Variants in FNIP2 observed in about 807,000 individuals in gnomAD.
FNIP2 encodes folliculin interacting protein 2.
In FNIP2, 32 loss-of-function variants were observed where a neutral mutation model predicts 108.7. The ratio of observed to expected loss-of-function variants is 0.29; its 90% confidence interval spans 0.22 to 0.40. FNIP2 has a LOEUF of 0.40. Ranked by LOEUF, FNIP2 falls within the 10% of genes least tolerant of loss-of-function variation. The pLI is 1.00. For missense variants in FNIP2, 1,202 were observed against 1,381.6 expected (o/e 0.87, Z 2.06); for synonymous variants, 480 against 496.7 (o/e 0.97, Z 0.45).
chr4:158,778,762 G>T (rs1456324195), intron 1 of FNIP2, among the ~76,000 whole-genome samples: 3 of 152,224 alleles, frequency 2.0e-5, no homozygotes, highest in African/African-American at 7.2e-5. Context: ...AGTCTTGAAA[G>T]GTATCGCCTG....
chr4:158,806,117 G>C, intron 1 of FNIP2: 1 of 1,194,422 alleles, frequency 8.4e-7, no homozygotes. Flanking sequence ...ACTGTATAGG[G>C]AGTGAAATGA....
At chr4:158,899,112 G>T (rs548832345) in intron 16 of FNIP2, among the ~76,000 whole-genome samples, 1 of 152,164 alleles carries the variant, frequency 6.6e-6, no homozygotes, top group Non-Finnish European at 1.5e-5. Context: ...TAATCATCTG[G>T]TTTTTGTCAC....
intron 1 of FNIP2, among the ~76,000 whole-genome samples, chr4:158,799,784 G>A (rs1032577672): frequency 2.0e-5 from 3 of 152,118 alleles, no homozygotes; most frequent in Admixed American, 6.5e-5. Flanking sequence ...AATTTCAGGG[G>A]AATTAATGAT....
chr4:158,786,493 G>A (rs953671240), intron 1 of FNIP2, among the ~76,000 whole-genome samples: 1 of 152,186 alleles, frequency 6.6e-6, no homozygotes, highest in African/African-American at 2.4e-5. Context: ...TAGTGCACAG[G>A]TCATATGCTA....
intron 1 of FNIP2, among the ~76,000 whole-genome samples, chr4:158,779,733 C>T (rs916044887): frequency 7.0e-6 from 1 of 143,210 alleles, no homozygotes; most frequent in East Asian, 1.9e-4. Flanking sequence ...ACCACCATAC[C>T]CACCTTTTTT....
chr4:158,806,530 T>G, intron 1 of FNIP2: 1 of 749,654 alleles, frequency 1.3e-6, no homozygotes, highest in Admixed American at 3.0e-5. Context: ...TTCTCATAAG[T>G]GCTTCTAAGT....
intron 1 of FNIP2, among the ~76,000 whole-genome samples, chr4:158,790,157 G>GTCCTATC: frequency 6.6e-6 from 1 of 151,632 alleles, no homozygotes; most frequent in Non-Finnish European, 1.5e-5. Flanking sequence ...TGAGACCTGG[G>GTCCTATC]TCCTATCCCC....
intron 1 of FNIP2, among the ~76,000 whole-genome samples, chr4:158,808,428 A>AT (rs111832933): frequency 2.9e-4 from 43 of 149,014 alleles, no homozygotes; most frequent in East Asian, 1.6e-3. Context: ...AGTGCTGAGA[A>AT]TTTTTTTTTT....
chr4:158,833,944 G>T (rs186297861), intron 6 of FNIP2: 202 of 1,170,664 alleles, frequency 1.7e-4, no homozygotes, highest in Non-Finnish European at 2.2e-4. Flanking sequence ...TAAATCCTGT[G>T]CAGGTTCTTA....
At chr4:158,853,564 C>T (rs1779817845) in intron 8 of FNIP2, among the ~76,000 whole-genome samples, 1 of 152,154 alleles carries the variant, frequency 6.6e-6, no homozygotes. Flanking sequence ...GTGTGATGTT[C>T]CCCACCCTGT....
At chr4:158,873,142 C>G (rs565326373) in intron 14 of FNIP2, among the ~76,000 whole-genome samples, 1 of 146,974 alleles carries the variant, frequency 6.8e-6, no homozygotes, top group African/African-American at 2.5e-5. Flanking sequence ...AATAAAATAG[C>G]GTTAAAAAAA....
intron 14 of FNIP2, among the ~76,000 whole-genome samples, chr4:158,883,891 G>A (rs561582114): frequency 1.3e-5 from 2 of 151,748 alleles, no homozygotes; most frequent in East Asian, 3.9e-4. Context: ...GCTAAAAGTC[G>A]GAAACACTTG....
rs553100718 is a variant in FNIP2 at position 158,827,102 on chromosome 4, T to C, written c.234+1060T>C. Among the ~76,000 whole-genome samples the C allele has an allele frequency of 2.6e-5, 4 of 152,310 alleles. No homozygotes were observed. In the East Asian group the frequency reaches 7.7e-4, roughly 29 times the overall value. ...TGGAGTTCTGCCAGGTGGCTAATCA[T>C]TACAGTAGTTGTTGGGCTTGTTAGG... is the stretch of plus-strand genomic sequence containing the variant. On this transcript the variant is annotated intron_variant, in intron 2 of 16. Transcript: ENST00000264433.
chr4:158,873,117 A>G (rs1781052303), intron 14 of FNIP2, among the ~76,000 whole-genome samples: 1 of 151,928 alleles, frequency 6.6e-6, no homozygotes, highest in South Asian at 2.1e-4. Context: ...CAACATAGCA[A>G]GACTTCATCT....
intron 14 of FNIP2, among the ~76,000 whole-genome samples, chr4:158,889,633 C>T (rs1782186906): frequency 6.6e-6 from 1 of 152,170 alleles, no homozygotes; most frequent in Non-Finnish European, 1.5e-5. Flanking sequence ...TGAAAGGTGA[C>T]AGGCATACGT....
chr4:158,900,727 G>C (rs541708945), intron 16 of FNIP2, among the ~76,000 whole-genome samples: 16 of 152,128 alleles, frequency 1.1e-4, no homozygotes, highest in Middle Eastern at 3.4e-3. Flanking sequence ...CTGTGTATGT[G>C]TTTGCACGTG....
chr4:158,866,221 C>CTTATTTTTTTTTTTTTTT (rs1780568704), intron 12 of FNIP2, among the ~76,000 whole-genome samples: 2 of 59,764 alleles, frequency 3.3e-5, no homozygotes, highest in Non-Finnish European at 5.6e-5. Flanking sequence ...TCTGGTTATT[C>CTTATTTTTTTTTTTTTTT]TTTTTTTTTT....
At position 158,833,965 on chromosome 4, in the gene FNIP2, T is replaced by A. The variant is rs1037315131; in HGVS notation, c.655+337T>A. The stretch of plus-strand genomic sequence containing the variant: ...CTGTGCAGGTTCTTAGGAAAAATCC[T>A]ACTTGTGCCTCTCTAGAAATCCAAG... On this transcript the variant is annotated intron_variant, in intron 6 of 16. Transcript: ENST00000264433. The A allele has an allele frequency of 3.1e-6, 3 of 962,110 alleles. No homozygotes were observed. In the African/African-American group the frequency reaches 5.1e-5, roughly 16 times the overall value. 59.6% of individuals were successfully genotyped at this position (962,110 alleles called of 1,614,324 possible).
At chr4:158,839,876 T>C (rs914370309) in intron 7 of FNIP2, among the ~76,000 whole-genome samples, 4 of 152,306 alleles carry the variant, frequency 2.6e-5, no homozygotes, top group South Asian at 2.1e-4. Context: ...TCTCCACTTA[T>C]AGAATGTCTT....
Sources: allele counts gnomAD v4.1 joint callset (sites outside exome capture counted in the v4.1 genomes callset), GRCh38; gene constraint gnomAD v4.1.1; transcripts MANE v1.5; gene names NCBI Gene and HGNC (gene_info 2026-07-23, HGNC 2026-07-21).